The following ENPP6 variants were observed in gnomAD, a reference collection of about 807,000 sequenced individuals.
ENPP6 encodes the protein ectonucleotide pyrophosphatase/phosphodiesterase 6.
In ENPP6, 32 loss-of-function variants were observed where a neutral mutation model predicts 42.0. That is an observed-to-expected ratio of 0.76 (90% CI 0.58 to 1.02). ENPP6 has a LOEUF of 1.02. Ranked by LOEUF, ENPP6 falls within the 50% of genes least tolerant of loss-of-function variation. ENPP6 has a pLI of 0.00. For synonymous variants in ENPP6, 213 were observed against 216.0 expected (o/e 0.99, Z 0.12); for missense variants, 552 against 566.8 (o/e 0.97, Z 0.27).
intron 3 of ENPP6, 74 bp from the exon 4 acceptor site, chr4:184,117,974 C>A (rs1444198554): frequency 6.5e-7 from 1 of 1,544,938 alleles, no homozygotes; most frequent in Non-Finnish European, 8.8e-7. Context: ...CCCCATAGCA[C>A]TCTCTGAAGG....
At chr4:184,117,150 A>T (rs1380490376) in intron 4 of ENPP6, 115 bp from the exon 5 acceptor site, 1 of 1,288,988 alleles carries the variant, frequency 7.8e-7, no homozygotes, top group Non-Finnish European at 1.1e-6. Context: ...TCTGTGTTTA[A>T]TCTTCTACTA....
chr4:184,182,323 G>A (rs1020392191), intron 1 of ENPP6, among the ~76,000 whole-genome samples: 1 of 152,080 alleles, frequency 6.6e-6, no homozygotes, highest in Non-Finnish European at 1.5e-5. Flanking sequence ...ACCATCTCAT[G>A]CCAGTCAGAA....
At chr4:184,114,396 G>A (rs766895696) in intron 5 of ENPP6, among the ~76,000 whole-genome samples, 2 of 152,212 alleles carry the variant, frequency 1.3e-5, no homozygotes, top group African/African-American at 4.8e-5. Context: ...ATAAGATTGA[G>A]TTTATCAACT....
chr4:184,099,877 A>G (rs1735970666), intron 6 of ENPP6, among the ~76,000 whole-genome samples: 1 of 152,248 alleles, frequency 6.6e-6, no homozygotes, highest in Admixed American at 6.5e-5. Context: ...ACAGTCTACA[A>G]GGCGGTGAGC....
chr4:184,179,514 C>T (rs1191407446), intron 1 of ENPP6, among the ~76,000 whole-genome samples: 1 of 152,142 alleles, frequency 6.6e-6, no homozygotes. Context: ...TCGAGTGGAC[C>T]TGATAGATAT....
intron 6 of ENPP6, among the ~76,000 whole-genome samples, chr4:184,107,949 T>C (rs976061487): frequency 6.6e-6 from 1 of 152,138 alleles, no homozygotes; most frequent in African/African-American, 2.4e-5. Flanking sequence ...GTTTCTGTCT[T>C]TATCTTTTTC....
chr4:184,157,309 A>C (rs141007400), intron 1 of ENPP6, among the ~76,000 whole-genome samples: 1 of 152,182 alleles, frequency 6.6e-6, no homozygotes, highest in African/African-American at 2.4e-5. Context: ...CCACTGCTGG[A>C]TCCCACTGCA....
intron 1 of ENPP6, among the ~76,000 whole-genome samples, chr4:184,208,316 C>T (rs1205304089): frequency 6.6e-6 from 1 of 152,162 alleles, no homozygotes; most frequent in African/African-American, 2.4e-5. Flanking sequence ...TCTGCATTTC[C>T]ATCTGAGGTA....
intron 1 of ENPP6, among the ~76,000 whole-genome samples, chr4:184,164,159 T>C (rs970201702): frequency 6.6e-6 from 1 of 152,202 alleles, no homozygotes; most frequent in East Asian, 1.9e-4. Flanking sequence ...TTGAGTCTAA[T>C]CTTCAGCTTC....
intron 7 of ENPP6, among the ~76,000 whole-genome samples, chr4:184,096,029 C>G (rs1162849863): frequency 6.6e-6 from 1 of 152,168 alleles, no homozygotes; most frequent in Non-Finnish European, 1.5e-5. Flanking sequence ...ATCATGAACC[C>G]TATTAGTGCT....
intron 2 of ENPP6, among the ~76,000 whole-genome samples, chr4:184,152,379 T>C: frequency 6.6e-6 from 1 of 151,178 alleles, no homozygotes; most frequent in Non-Finnish European, 1.5e-5. Context: ...GCCCCCTCCC[T>C]GCAGACTACA....
At chr4:184,106,713 C>A (rs922724601) in intron 6 of ENPP6, among the ~76,000 whole-genome samples, 1 of 152,080 alleles carries the variant, frequency 6.6e-6, no homozygotes, top group Non-Finnish European at 1.5e-5. Context: ...ACCATGGCGA[C>A]TTATTTGTGT....
intron 3 of ENPP6, 65 bp downstream of exon 3, chr4:184,124,096 T>C: frequency 7.7e-7 from 1 of 1,297,466 alleles, no homozygotes; most frequent in Non-Finnish European, 1.1e-6. Context: ...TAATTCACTT[T>C]AGGATCCATG....
intron 3 of ENPP6, among the ~76,000 whole-genome samples, chr4:184,123,274 G>A (rs1047873462): frequency 5.9e-5 from 9 of 152,132 alleles, no homozygotes; most frequent in Admixed American, 1.3e-4. Context: ...GCCCTTTCAT[G>A]TGGCTCGTGC....
At chr4:184,113,894 C>CTTTCTTTTCTTTCTTTCT (rs1560981798) in intron 5 of ENPP6, among the ~76,000 whole-genome samples, 84 of 148,456 alleles carry the variant, frequency 5.7e-4, no homozygotes, top group African/African-American at 2.0e-3. Context: ...TCCTTCCTTT[C>CTTTCTTTTCTTTCTTTCT]TTTCTTTTCT....
At chr4:184,191,229 C>T in intron 1 of ENPP6, among the ~76,000 whole-genome samples, 1 of 152,334 alleles carries the variant, frequency 6.6e-6, no homozygotes, top group Non-Finnish European at 1.5e-5. Context: ...TTTATGGGCC[C>T]TGTAATCTTG....
At chr4:184,136,657 G>T (rs903992088) in intron 2 of ENPP6, among the ~76,000 whole-genome samples, 1 of 152,090 alleles carries the variant, frequency 6.6e-6, no homozygotes, top group African/African-American at 2.4e-5. Context: ...TCATTTTGAG[G>T]ATCTCATTCC....
At chr4:184,117,710 A>G (rs1579617700) in intron 4 of ENPP6, 49 bp downstream of exon 4, 2 of 1,602,444 alleles carry the variant, frequency 1.2e-6, no homozygotes, top group African/African-American at 2.7e-5. Flanking sequence ...GGAGACAAAC[A>G]GAGGGTGACA....
rs1384452869 is a variant in ENPP6 at position 184,089,101 on chromosome 4, T to C, written c.*2076A>G. 6.6e-6 allele frequency: 1 copy of C among 152,196 alleles called. No homozygotes were observed. The highest frequency in any genetic ancestry group is 2.4e-5 in the African/African-American group (1 of 41,452). 9.4% of individuals were successfully genotyped at this position (152,196 alleles called of 1,614,324 possible). Reference sequence around the variant, plus strand: ...AGAAACTTTGAACAATAGACGTCTTTTTCAACAACTACTGCCAATGTTTTG... The same window carrying C: ...AGAAACTTTGAACAATAGACGTCTTCTTCAACAACTACTGCCAATGTTTTG... On this transcript the variant is annotated 3_prime_UTR_variant, in exon 8 of 8. Transcript: ENST00000296741.
Sources: gnomAD v4.1 joint callset for allele counts (sites outside exome capture counted in the v4.1 genomes callset) on GRCh38, gnomAD v4.1.1 for gene constraint, MANE v1.5 for transcripts, NCBI Gene and HGNC (gene_info 2026-07-23, HGNC 2026-07-21) for gene names.